SMG7: variants seen among roughly 807,000 people sequenced by gnomAD.
The protein encoded by SMG7 is SMG7 nonsense mediated mRNA decay factor.
SMG7 carries 34 observed loss-of-function variants against 148.2 expected under a neutral mutation model. The ratio of observed to expected loss-of-function variants is 0.23; its 90% CI spans 0.17 to 0.31. The LOEUF is 0.31. SMG7 is among the 10% of genes least tolerant of loss of function. SMG7 has a pLI of 1.00. For missense variants in SMG7, 1,114 were observed against 1,408.4 expected (o/e 0.79, Z 3.35); for synonymous variants, 492 against 515.1 (o/e 0.96, Z 0.61).
chr1:183,501,665 G>T (rs1659747289), intron 1 of SMG7, among the ~76,000 whole-genome samples: 1 of 152,064 alleles, frequency 6.6e-6, no homozygotes. Context: ...TTGTTGGTCT[G>T]TCTCTACATT....
chr1:183,535,262 C>G (rs1054187153), intron 10 of SMG7, among the ~76,000 whole-genome samples: 3 of 152,118 alleles, frequency 2.0e-5, no homozygotes, highest in Non-Finnish European at 4.4e-5. Flanking sequence ...GTACAGTGAT[C>G]CTTTTGGCCC....
At chr1:183,514,126 G>A (rs534684205) in intron 2 of SMG7, among the ~76,000 whole-genome samples, 4 of 148,866 alleles carry the variant, frequency 2.7e-5, no homozygotes, top group Non-Finnish European at 4.4e-5. Context: ...CTCCGTAACA[G>A]CATATGCCAT....
In SMG7 at chr1:183,472,656, G is replaced by A; in HGVS notation, c.29+7G>A. On this transcript the variant is annotated splice_region_variant and intron_variant, in intron 1 of 22. Transcript: ENST00000688051. ...AGAGCGCGCAGTACCTCCGGTGAGT[G>A]CCGAGGCCGGGCTGGTACGTAGGGG... The A allele has an allele frequency of 6.8e-7, 1 of 1,469,816 alleles. No individual in the cohort carries two copies. Among genetic ancestry groups the A allele is most frequent in the Admixed American group, 2.3e-5 (1 of 44,028 alleles). 91.0% of individuals were successfully genotyped at this position (1,469,816 alleles called of 1,614,324 possible). A position where few individuals can be genotyped will look rare whatever the true frequency, so the allele number is the denominator to read the frequency against.
At chr1:183,518,958 G>T (rs1004425300) in intron 4 of SMG7, among the ~76,000 whole-genome samples, 3 of 152,274 alleles carry the variant, frequency 2.0e-5, no homozygotes, top group South Asian at 2.1e-4. Flanking sequence ...GAAGAGAAAA[G>T]AATCTCTGCT....
intron 1 of SMG7, among the ~76,000 whole-genome samples, chr1:183,484,706 C>T (rs963966278): frequency 1.1e-4 from 16 of 151,982 alleles, no homozygotes; most frequent in African/African-American, 3.6e-4. Context: ...TAGGTATATC[C>T]TTTAATATTA....
chr1:183,493,400 G>C (rs1657560626), intron 1 of SMG7, among the ~76,000 whole-genome samples: 1 of 152,028 alleles, frequency 6.6e-6, no homozygotes, highest in Non-Finnish European at 1.5e-5. Context: ...GTACTTCTAT[G>C]ACTTTAATTC....
chr1:183,550,695 T>C, intron 20 of SMG7, 56 bp from the exon 21 acceptor site: 1 of 1,552,372 alleles, frequency 6.4e-7, no homozygotes, highest in Admixed American at 1.7e-5. Flanking sequence ...CCTGTAGTTC[T>C]TTGTATGTTT....
At chr1:183,547,388 G>T in intron 18 of SMG7, 136 bp downstream of exon 18, 1 of 829,556 alleles carries the variant, frequency 1.2e-6, no homozygotes, top group Non-Finnish European at 1.8e-6. Flanking sequence ...TTTTCTAATT[G>T]CCTAAACCAA....
chr1:183,477,461 T>C (rs1253065039), intron 1 of SMG7, among the ~76,000 whole-genome samples: 1 of 151,322 alleles, frequency 6.6e-6, no homozygotes, highest in Non-Finnish European at 1.5e-5. Flanking sequence ...CATGTGTGCA[T>C]ATGTGTATAT....
intron 1 of SMG7, among the ~76,000 whole-genome samples, chr1:183,476,552 A>G (rs1652231021): frequency 6.6e-6 from 1 of 152,206 alleles, no homozygotes; most frequent in Non-Finnish European, 1.5e-5. Flanking sequence ...AGAATTCAAC[A>G]TCAAGGGAAC....
At chr1:183,537,287 AAG>A (rs1414803902) in intron 11 of SMG7, 72 bp downstream of exon 11, 5 of 1,138,690 alleles carry the variant, frequency 4.4e-6, no homozygotes, top group Non-Finnish European at 6.6e-6. Flanking sequence ...GCCAGAGAAA[AAG>A]AGGTTTTTGG....
At chr1:183,540,363 AT>A (rs1214419180) in intron 12 of SMG7, among the ~76,000 whole-genome samples, 2 of 151,640 alleles carry the variant, frequency 1.3e-5, no homozygotes, top group African/African-American at 4.8e-5. Context: ...AGGGACTCTT[AT>A]TTATCTTTGT....
At chr1:183,480,699 A>G (rs1653870841) in intron 1 of SMG7, among the ~76,000 whole-genome samples, 1 of 152,188 alleles carries the variant, frequency 6.6e-6, no homozygotes, top group South Asian at 2.1e-4. Flanking sequence ...TGGCAGTGGT[A>G]TATACACAGA....
Position 183,533,818 on chromosome 1 carries a change from G to A in SMG7, c.1149G>A (p.Val383=). 6.2e-7 allele frequency: 1 copy of A among 1,609,696 alleles called. No homozygotes were observed. The highest frequency in any genetic ancestry group is 8.5e-7 in the Non-Finnish European group (1 of 1,177,402). ...LRPRVFQEAV[V]DERQYIWPWL... ...CCAGGGTCTTTCAGGAGGCAGTGGTGGATGAAAGACAGTAGTAAGTATTTT... is the reference window on the plus strand; with the variant it reads ...CCAGGGTCTTTCAGGAGGCAGTGGTAGATGAAAGACAGTAGTAAGTATTTT... Residue 383 remains valine (V), a synonymous_variant, in exon 10 of 23, where the codon GTG becomes GTA. Coordinates refer to ENST00000688051, the MANE Select transcript of SMG7 (RefSeq NM_001375584.1).
In SMG7 at chr1:183,533,276, C is replaced by A; in HGVS notation, c.956C>A (p.Thr319Asn). The change falls in exon 9 of 23, where the codon ACT (threonine) becomes AAT (asparagine). Residue 319 changes from threonine (T) to asparagine (N), a missense_variant. Physicochemically the swap from Thr to Asn is moderately conservative, Grantham distance 65. Around this residue, in one of 4 missense-constraint regions of SMG7, gnomAD observed 102 missense variants for 147.2 expected, o/e 0.69. Coordinates refer to ENST00000688051, the MANE Select transcript of SMG7 (RefSeq NM_001375584.1). ...TTTAGCAATGAAACCGAGCAGCACA[C>A]TTATAGCCAAGATGAGCAGCTATGT... is the stretch of plus-strand genomic sequence containing the variant. ...RDFSNETEQH[T>N]YSQDEQLCWT... 1 of 1,613,998 alleles carries A rather than the reference C, an allele frequency of 6.2e-7. No individual in the cohort carries two copies. Among genetic ancestry groups the A allele is most frequent in the Non-Finnish European group, 8.5e-7 (1 of 1,179,878 alleles).
rs945120855 is a variant in SMG7, at chr1:183,529,467, T to C, written c.777T>C (p.His259=). 9 of 1,613,258 alleles carry C rather than the reference T, an allele frequency of 5.6e-6. No homozygotes were observed. The highest frequency in any genetic ancestry group is 1.1e-5 in the South Asian group (1 of 91,072). The change falls in exon 8 of 23, where the codon CAT becomes CAC. Residue 259 remains histidine, a synonymous_variant. Transcript: ENST00000688051. ...AGGCCTTTATTAAATTCCACGGTCA[T>C]GTGTACCTGAGTAAGAGCTTGGAAA... ...FIKAFIKFHG[H]VYLSKSLEKL...
intron 4 of SMG7, among the ~76,000 whole-genome samples, chr1:183,520,953 C>T (rs887621527): frequency 3.3e-5 from 5 of 152,124 alleles, no homozygotes; most frequent in Admixed American, 1.3e-4. Flanking sequence ...TGATTCTCCC[C>T]GACTGCATTC....
chr1:183,549,812 C>G lies in SMG7; in HGVS notation c.3022C>G (p.Leu1008Val). ...GTTCAATGAGGTATATGGGAAAAAC[C>G]TGACATCCAGCTCCAAAGCAGAACT... ...SMFNEVYGKN[L>V]TSSSKAELSP... Residue 1008 changes from leucine (L) to valine (V), a missense_variant, in exon 20 of 23, where the codon CTG becomes GTG. Leu to Val is a conservative substitution (Grantham distance 32). This residue lies in a region of SMG7 where 788 missense variants were observed against 894.5 expected (regional missense o/e 0.88). Transcript: ENST00000688051. The G allele has an allele frequency of 6.2e-7, 1 of 1,613,816 alleles. No individual in the cohort carries two copies.
At chr1:183,546,453 A>G (rs962313512) in intron 17 of SMG7, 116 bp downstream of exon 17, 3 of 1,089,186 alleles carry the variant, frequency 2.8e-6, no homozygotes, top group African/African-American at 3.2e-5. Context: ...GTACTATAGA[A>G]TGCCACTGAG....
Sources: gnomAD v4.1 joint callset for allele counts (sites outside exome capture counted in the v4.1 genomes callset) on GRCh38, gnomAD v4.1.1 for gene constraint, gnomAD v4.1.1 regional missense constraint, MANE v1.5 for transcripts, NCBI Gene and HGNC (gene_info 2026-07-23, HGNC 2026-07-21) for gene names.